WHRN: variants seen among roughly 807,000 people sequenced by gnomAD.
The protein encoded by WHRN is CASK-interacting protein CIP98.
Under a neutral mutation model 68.3 loss-of-function variants are expected in WHRN, and 41 were observed. That is an observed-to-expected ratio of 0.60 (90% CI 0.47 to 0.78). WHRN has a LOEUF of 0.78. Among genes scored for constraint, WHRN ranks in the 30% least tolerant of loss-of-function variants. The pLI, the probability that WHRN is intolerant of heterozygous loss-of-function variation, is 0.00. For synonymous variants in WHRN, 560 were observed against 561.3 expected (o/e 1.00, Z 0.03); for missense variants, 1,243 against 1,244.7 (o/e 1.00, Z 0.02).
Position 114,406,490 on chromosome 9 carries a change from C to G in WHRN, c.2101G>C (p.Gly701Arg), listed in dbSNP as rs111373159. Reference protein sequence around the residue: ...SPSAEATVAGGCLLPPSPSGH... With the variant: ...SPSAEATVAGRCLLPPSPSGH... The stretch of plus-strand genomic sequence containing the variant: ...GAGGGTGATGGGGGCAGAAGGCAGC[C>G]CCCAGCCACTGTGGCCTCTGCAGAG... Residue 701 changes from glycine (G) to arginine (R), a missense_variant, in exon 9 of 12, where the codon GGC becomes CGC. Gly to Arg is a moderately radical substitution (Grantham distance 125). Transcript: ENST00000362057. The G allele has an allele frequency of 9.8e-5, 158 of 1,614,182 alleles. No homozygotes were observed. The African/African-American group carries it at 1.7e-3, about 17-fold the overall frequency.
chr9:114,441,978 G>T (rs1186235402), intron 3 of WHRN, among the ~76,000 whole-genome samples: 1 of 152,068 alleles, frequency 6.6e-6, no homozygotes, highest in Non-Finnish European at 1.5e-5. Flanking sequence ...CTAACATCAC[G>T]GGACCCACCA....
intron 1 of WHRN, among the ~76,000 whole-genome samples, chr9:114,483,653 G>C (rs766868734): frequency 6.6e-6 from 1 of 152,196 alleles, no homozygotes; most frequent in Non-Finnish European, 1.5e-5. Context: ...TCAGGCAGCA[G>C]AGCTTGAGCC....
intron 7 of WHRN, among the ~76,000 whole-genome samples, chr9:114,409,994 T>G (rs1236212522): frequency 6.6e-6 from 1 of 152,144 alleles, no homozygotes; most frequent in Non-Finnish European, 1.5e-5. Flanking sequence ...TGTGCCTACA[T>G]GACCGGGCCC....
chr9:114,489,515 T>TACACACACACACAC (rs1842807215), intron 1 of WHRN, among the ~76,000 whole-genome samples: 4 of 10,384 alleles, frequency 3.9e-4, no homozygotes, highest in Non-Finnish European at 1.1e-3. Context: ...CACACACGCG[T>TACACACACACACAC]GCACACACAC....
intron 3 of WHRN, among the ~76,000 whole-genome samples, chr9:114,434,150 G>A (rs552231605): frequency 1.8e-4 from 27 of 152,072 alleles, no homozygotes; most frequent in Non-Finnish European, 3.4e-4. Flanking sequence ...AACCCCAAGT[G>A]CCTTGCTTAG....
chr9:114,431,182 C>G (rs990427166), intron 3 of WHRN, among the ~76,000 whole-genome samples: 1 of 152,198 alleles, frequency 6.6e-6, no homozygotes, highest in Non-Finnish European at 1.5e-5. Flanking sequence ...GCAACCGTGA[C>G]ATAGTAGCTG....
At chr9:114,420,034 T>A (rs1347803542) in intron 7 of WHRN, among the ~76,000 whole-genome samples, 3 of 152,096 alleles carry the variant, frequency 2.0e-5, no homozygotes, top group African/African-American at 4.8e-5. Context: ...GGAAGGACGG[T>A]ACCTCCATCA....
Position 114,478,681 on chromosome 9 carries a change from C to G in WHRN, c.709G>C (p.Val237Leu). The G allele has an allele frequency of 6.2e-7, 1 of 1,613,182 alleles. No individual in the cohort carries two copies. The highest frequency in any genetic ancestry group is 8.5e-7 in the Non-Finnish European group (1 of 1,179,972). The change falls in exon 2 of 12, where the codon GTG (valine) becomes CTG (leucine). Residue 237 changes from valine to leucine, a missense_variant. Transcript: ENST00000362057. Reference sequence around the variant, plus strand: ...GAGATGCTGCGGCCCTGCGGGTCCACCCAGGTGTAGATGTGGTTGGTGACG... The same window carrying G: ...GAGATGCTGCGGCCCTGCGGGTCCAGCCAGGTGTAGATGTGGTTGGTGACG... ...GYVTNHIYTW[V>L]DPQGRSISPP...
chr9:114,491,091 GT>G (rs1478433115), intron 1 of WHRN, among the ~76,000 whole-genome samples: 1 of 151,994 alleles, frequency 6.6e-6, no homozygotes, highest in African/African-American at 2.4e-5. Flanking sequence ...GGCACATTTT[GT>G]TGTCTGGGAT....
At chr9:114,462,008 G>T (rs773922880) in intron 3 of WHRN, among the ~76,000 whole-genome samples, 1 of 152,176 alleles carries the variant, frequency 6.6e-6, no homozygotes, top group Non-Finnish European at 1.5e-5. Context: ...AAAAGCAAGG[G>T]AGAGCCACAA....
chr9:114,423,359 T>C lies in WHRN; in HGVS notation c.1581A>G (p.Ser527=). 6.2e-7 allele frequency: 1 copy of C among 1,613,958 alleles called. No homozygotes were observed. The highest frequency in any genetic ancestry group is 8.5e-7 in the Non-Finnish European group (1 of 1,179,936). The change falls in exon 7 of 12, where the codon TCA becomes TCG. Residue 527 remains serine, a synonymous_variant. Coordinates refer to ENST00000362057, the MANE Select transcript of WHRN (RefSeq NM_015404.4). ...YSMVSYSDTG[S]STGSHGTSTT... ...TGGAGGTGCCGTGGCTGCCTGTGGA[T>C]GAACCCGTGTCACTGTAGGAGACCA...
intron 5 of WHRN, among the ~76,000 whole-genome samples, 200 bp downstream of exon 5, chr9:114,424,788 A>T (rs986162874): frequency 2.0e-5 from 3 of 152,176 alleles, no homozygotes. Context: ...TGCTCTGTTC[A>T]TTGCCATCAA....
chr9:114,435,111 A>G (rs1371783142), intron 3 of WHRN, among the ~76,000 whole-genome samples: 28 of 152,152 alleles, frequency 1.8e-4, no homozygotes, highest in Admixed American at 1.8e-3. Flanking sequence ...TCCAGCTCCA[A>G]GGCAGATATC....
At chr9:114,494,302 T>C (rs1482265906) in intron 1 of WHRN, among the ~76,000 whole-genome samples, 2 of 152,220 alleles carry the variant, frequency 1.3e-5, no homozygotes, top group African/African-American at 2.4e-5. Flanking sequence ...ACACAGGAGT[T>C]TGAACATGGT....
chr9:114,478,574 C>T lies in WHRN; in HGVS notation c.816G>A (p.Leu272=), dbSNP rs988074871. Residue 272 remains leucine (L), a synonymous_variant, in exon 2 of 12, where the codon CTG becomes CTA. Transcript: ENST00000362057. The part of the protein sequence containing the change: ...EGDRRSTLHL[L]QGGDEKKVNL... ...TCACCTTTTTCTCATCCCCTCCTTG[C>T]AGGAGGTGCAGGGTGCTCCTCCGGT... The T allele has an allele frequency of 1.2e-6, 2 of 1,614,078 alleles. No homozygotes were observed. The highest frequency in any genetic ancestry group is 2.2e-5 in the East Asian group (1 of 44,876).
intron 1 of WHRN, among the ~76,000 whole-genome samples, chr9:114,501,079 CA>C (rs1843880474): frequency 6.6e-6 from 1 of 152,190 alleles, no homozygotes; most frequent in Non-Finnish European, 1.5e-5. Flanking sequence ...CTGGCCCATC[CA>C]CCCTGGAACC....
chr9:114,411,143 G>A (rs1271704468), intron 7 of WHRN, among the ~76,000 whole-genome samples: 1 of 152,174 alleles, frequency 6.6e-6, no homozygotes, highest in Non-Finnish European at 1.5e-5. Flanking sequence ...AGAATGAACC[G>A]CGAGACGTGT....
intron 1 of WHRN, among the ~76,000 whole-genome samples, chr9:114,487,685 G>A (rs1428602155): frequency 8.0e-6 from 1 of 124,774 alleles, no homozygotes; most frequent in Non-Finnish European, 1.8e-5. Context: ...CATAGGCAGT[G>A]AGTCTTTATT....
At chr9:114,494,225 C>A (rs973466876) in intron 1 of WHRN, among the ~76,000 whole-genome samples, 1 of 152,196 alleles carries the variant, frequency 6.6e-6, no homozygotes, top group African/African-American at 2.4e-5. Flanking sequence ...ACATCTTGTG[C>A]GTGTTATCTG....
Sources: gnomAD v4.1 joint callset for allele counts (sites outside exome capture counted in the v4.1 genomes callset) on GRCh38, gnomAD v4.1.1 for gene constraint, MANE v1.5 for transcripts, NCBI Gene and HGNC (gene_info 2026-07-23, HGNC 2026-07-21) for gene names.